SLC14A2: variants seen among roughly 807,000 people sequenced by gnomAD.
SLC14A2 encodes solute carrier family 14 member 2.
In SLC14A2, 91 loss-of-function variants were observed where a neutral mutation model predicts 104.6. That is an observed-to-expected ratio of 0.87 (90% CI 0.73 to 1.04). The LOEUF (loss-of-function observed/expected upper bound fraction) is 1.04, where lower values mean the gene tolerates loss of function less well. Ranked by LOEUF, SLC14A2 falls within the 50% of genes least tolerant of loss-of-function variation. The probability of loss-of-function intolerance (pLI) is 0.00; values close to 1 mark genes in which losing one functional copy is unlikely to be tolerated. For synonymous variants in SLC14A2, 476 were observed against 466.4 expected (o/e 1.02, Z -0.27); for missense variants, 1,189 against 1,156.0 (o/e 1.03, Z -0.41).
rs1316353883 is a variant in SLC14A2, at chr18:45,478,729, T to G, written c.-124-4504T>G. Among the ~76,000 whole-genome samples, 3 of 152,176 alleles carry G rather than the reference T, an allele frequency of 2.0e-5. No homozygotes were observed. The East Asian group carries it at 5.8e-4, about 29-fold the overall frequency. The stretch of plus-strand genomic sequence containing the variant: ...GGATGTGCCTGACAACACACAAGGT[T>G]GTGTGTGTGGATATGTGTACAAGTT... On this transcript the variant is annotated intron_variant, in intron 1 of 20. Transcript: ENST00000586448.
intron 1 of SLC14A2, among the ~76,000 whole-genome samples, chr18:45,346,526 G>T (rs1405330695): frequency 2.0e-5 from 3 of 152,158 alleles, no homozygotes; most frequent in Non-Finnish European, 4.4e-5. Flanking sequence ...ATCCTTTGTT[G>T]TTATGAGATG....
intron 2 of SLC14A2, among the ~76,000 whole-genome samples, chr18:45,547,390 G>A (rs1019080773): frequency 6.6e-6 from 1 of 152,082 alleles, no homozygotes; most frequent in South Asian, 2.1e-4. Context: ...CTTCCAGTCT[G>A]TCTTACCCTG....
intron 1 of SLC14A2, among the ~76,000 whole-genome samples, chr18:45,422,691 G>A (rs534447821): frequency 6.6e-6 from 1 of 152,248 alleles, no homozygotes; most frequent in Non-Finnish European, 1.5e-5. Context: ...ACTGAGCCAC[G>A]GCCAGAACCC....
intron 6 of SLC14A2, among the ~76,000 whole-genome samples, chr18:45,639,482 G>A (rs913369921): frequency 2.0e-5 from 3 of 152,164 alleles, no homozygotes; most frequent in Non-Finnish European, 2.9e-5. Context: ...AGCAGAAGCC[G>A]TATGTTCCTC....
rs528406047 is a variant in SLC14A2 at position 45,241,622 on chromosome 18, C to A, written c.-125+28431C>A. On this transcript the variant is annotated intron_variant, in intron 1 of 20. Coordinates refer to the SLC14A2 transcript ENST00000586448. The stretch of plus-strand genomic sequence containing the variant: ...AGCCTTTGCTGACTTATTTGATTTT[C>A]TTTTCTTTTCTTTTCTCTTTTTTTT... 2.9e-3 allele frequency among the ~76,000 whole-genome samples: 408 copies of A among 141,792 alleles called. 2 individuals carry two copies. Among genetic ancestry groups the A allele is most frequent in the African/African-American group, 0.01 (384 of 38,198 alleles). The allele number at this position is 141,792 out of a possible 152,430, so 93.0% of individuals were successfully genotyped here.
intron 1 of SLC14A2, among the ~76,000 whole-genome samples, chr18:45,446,329 A>G (rs2086768875): frequency 6.6e-6 from 1 of 152,178 alleles, no homozygotes; most frequent in Non-Finnish European, 1.5e-5. Flanking sequence ...AGATGTGGTC[A>G]TTAGGGTGGA....
At chr18:45,296,117 T>C (rs181553774) in intron 1 of SLC14A2, among the ~76,000 whole-genome samples, 222 of 152,300 alleles carry the variant, frequency 1.5e-3, no homozygotes, top group African/African-American at 4.7e-3. Context: ...CAAGGCTTAA[T>C]TGAGCACCAG....
intron 1 of SLC14A2, among the ~76,000 whole-genome samples, chr18:45,252,939 T>C (rs149202044): frequency 6.6e-6 from 1 of 152,076 alleles, no homozygotes; most frequent in Non-Finnish European, 1.5e-5. Context: ...TTTGAACATT[T>C]CTACAGATAA....
chr18:45,612,886 T>A (rs556396609), upstream of SLC14A2, among the ~76,000 whole-genome samples: 1 of 152,270 alleles, frequency 6.6e-6, no homozygotes, highest in East Asian at 1.9e-4. Context: ...TCTCACACAC[T>A]CTCTCTCTCC....
rs1436107460 is a variant in SLC14A2 at position 45,317,753 on chromosome 18, C to T, written c.-125+104562C>T. Among the ~76,000 whole-genome samples, 6 of 152,220 alleles carry T rather than the reference C, an allele frequency of 3.9e-5. No individual in the cohort carries two copies. The East Asian group carries it at 9.6e-4, about 24-fold the overall frequency. On this transcript the variant is annotated intron_variant, in intron 1 of 20. Coordinates refer to the SLC14A2 transcript ENST00000586448. ...GTTTCTGGAGCCCCAGGACCCCACA[C>T]TCTGAATGCCCTGGGCTTGACAGAT...
chr18:45,628,042 T>G (rs796820759), intron 4 of SLC14A2, among the ~76,000 whole-genome samples: 10 of 146,096 alleles, frequency 6.8e-5, no homozygotes. Flanking sequence ...GAAAAAAGAA[T>G]AAAAACTTGC....
intron 1 of SLC14A2, among the ~76,000 whole-genome samples, chr18:45,439,165 G>C (rs1435138921): frequency 6.6e-6 from 1 of 152,152 alleles, no homozygotes; most frequent in Non-Finnish European, 1.5e-5. Flanking sequence ...TGCACACCTA[G>C]CTACTTGGGA....
At position 45,583,263 on chromosome 18, in the gene SLC14A2, T is replaced by A. The variant is rs189181914; in HGVS notation, c.-34-41368T>A. Among the ~76,000 whole-genome samples, 535 of 152,308 alleles carry A rather than the reference T, an allele frequency of 3.5e-3. 3 individuals are homozygous for A. The highest frequency in any genetic ancestry group is 0.012 in the African/African-American group (491 of 41,580). Reference sequence around the variant, plus strand: ...GGCAACCCCATTACACCTGAAATGATCTTCCCCAGCTTCTCTCTTGACAAC... The same window carrying A: ...GGCAACCCCATTACACCTGAAATGAACTTCCCCAGCTTCTCTCTTGACAAC... On this transcript the variant is annotated intron_variant, in intron 2 of 20. Transcript: ENST00000586448.
At chr18:45,413,631 G>C (rs1568189385) in intron 1 of SLC14A2, among the ~76,000 whole-genome samples, 1 of 152,142 alleles carries the variant, frequency 6.6e-6, no homozygotes. Flanking sequence ...AAATTCCACT[G>C]TCTTACGAAA....
chr18:45,592,230 T>TA (rs2044658335), intron 2 of SLC14A2, among the ~76,000 whole-genome samples: 1 of 151,980 alleles, frequency 6.6e-6, no homozygotes, highest in East Asian at 1.9e-4. Flanking sequence ...TCATTTTTTT[T>TA]AATGTAAAAT....
At chr18:45,526,604 G>A (rs1275555713) in intron 2 of SLC14A2, among the ~76,000 whole-genome samples, 4 of 152,256 alleles carry the variant, frequency 2.6e-5, no homozygotes, top group East Asian at 3.9e-4. Context: ...AAGTGATTTT[G>A]GAGTGAACTT....
Position 45,682,503 on chromosome 18 carries a change from C to G in SLC14A2, c.2747C>G (p.Ala916Gly), listed in dbSNP as rs376045920. Reference sequence around the variant, plus strand: ...GCATCAATCATAACAAAGTATCAGGCCTACGATGTCTCCTAAGTTTCCCTG... The same window carrying G: ...GCATCAATCATAACAAAGTATCAGGGCTACGATGTCTCCTAAGTTTCCCTG... ...RRASIITKYQ[A>G]YDVS Residue 916 changes from alanine (A) to glycine (G), a missense_variant, in exon 20 of 20, where the codon GCC (alanine) becomes GGC (glycine). Coordinates refer to ENST00000255226, the MANE Select transcript of SLC14A2 (RefSeq NM_007163.4). 1 of 1,613,850 alleles carries G rather than the reference C, an allele frequency of 6.2e-7. No individual in the cohort carries two copies.
rs191643450 is a variant in SLC14A2 at position 45,683,210 on chromosome 18, G to C, written c.*691G>C. 17 of 152,350 alleles carry C rather than the reference G, an allele frequency of 1.1e-4. No individual in the cohort carries two copies. The highest frequency in any genetic ancestry group is 3.9e-4 in the African/African-American group (16 of 41,556). The allele number at this position is 152,350 out of a possible 1,614,324, so 9.4% of individuals were successfully genotyped here. On this transcript the variant is annotated 3_prime_UTR_variant, in exon 20 of 20. Transcript: ENST00000255226. Reference sequence around the variant, plus strand: ...AATACCAAGAACTGTGCATTAGCCCGGAAGGCAAGAGGGTTGGTTCTGCCC... The same window carrying C: ...AATACCAAGAACTGTGCATTAGCCCCGAAGGCAAGAGGGTTGGTTCTGCCC...
At chr18:45,636,844 G>T in intron 5 of SLC14A2, 146 bp from the exon 6 acceptor site, 1 of 622,358 alleles carries the variant, frequency 1.6e-6, no homozygotes, top group Non-Finnish European at 2.9e-6. Flanking sequence ...CCCTATCCCA[G>T]ATCATTGGAA....
Sources: allele counts gnomAD v4.1 joint callset (sites outside exome capture counted in the v4.1 genomes callset), GRCh38; gene constraint gnomAD v4.1.1; transcripts MANE v1.5; gene names NCBI Gene and HGNC (gene_info 2026-07-23, HGNC 2026-07-21).